The following GFRA1 variants were observed in gnomAD, a reference collection of about 807,000 sequenced individuals.
GFRA1 encodes the protein GDNF family receptor alpha-1.
Under a neutral mutation model 51.6 loss-of-function variants are expected in GFRA1, and 16 were observed. The observed-to-expected ratio is 0.31, with a 90% confidence interval of 0.21 to 0.47. GFRA1 has a LOEUF of 0.47. Ranked by LOEUF, GFRA1 falls within the 20% of genes least tolerant of loss-of-function variation. The pLI is 1.00. For missense variants in GFRA1, 530 were observed against 594.3 expected, an observed-to-expected ratio of 0.89 and a Z score of 1.13; for synonymous variants, 270 against 241.3, an observed-to-expected ratio of 1.12 and a Z score of -1.10.
chr10:116,251,728 A>G (rs555337586), intron 4 of GFRA1, among the ~76,000 whole-genome samples: 1 of 152,226 alleles, frequency 6.6e-6, no homozygotes, highest in South Asian at 2.1e-4. Flanking sequence ...CTCAGTTTCA[A>G]GAGGAAAAGC....
chr10:116,130,651 A>G (rs111334348), intron 5 of GFRA1, among the ~76,000 whole-genome samples: 1 of 152,230 alleles, frequency 6.6e-6, no homozygotes, highest in African/African-American at 2.4e-5. Context: ...AAGAAATCCA[A>G]TGGGGGAAGA....
At chr10:116,083,155 C>T (rs1478395647) in intron 9 of GFRA1, among the ~76,000 whole-genome samples, 1 of 152,218 alleles carries the variant, frequency 6.6e-6, no homozygotes, top group African/African-American at 2.4e-5. Context: ...TCCCGGAAAA[C>T]CAACTCTTAA....
intron 5 of GFRA1, among the ~76,000 whole-genome samples, chr10:116,130,656 G>A (rs930844174): frequency 6.6e-6 from 1 of 151,926 alleles, no homozygotes; most frequent in Non-Finnish European, 1.5e-5. Flanking sequence ...ATCCAATGGG[G>A]GAAGAGAGTC....
At chr10:116,251,569 C>G (rs1439343769) in intron 4 of GFRA1, among the ~76,000 whole-genome samples, 1 of 152,198 alleles carries the variant, frequency 6.6e-6, no homozygotes, top group East Asian at 1.9e-4. Flanking sequence ...ATGGGACATT[C>G]AGAGACTCTA....
intron 5 of GFRA1, among the ~76,000 whole-genome samples, chr10:116,178,721 G>A (rs1565630705): frequency 1.3e-5 from 2 of 152,212 alleles, no homozygotes; most frequent in African/African-American, 4.8e-5. Flanking sequence ...AGGGAGCCCT[G>A]AGCGAGGCTG....
chr10:116,160,855 A>G (rs930148038), intron 5 of GFRA1, among the ~76,000 whole-genome samples: 4 of 152,218 alleles, frequency 2.6e-5, no homozygotes, highest in African/African-American at 9.6e-5. Context: ...TTCCTCAACT[A>G]CTTAGAAAGG....
chr10:116,103,879 G>A (rs1956906870), intron 6 of GFRA1, among the ~76,000 whole-genome samples: 2 of 152,140 alleles, frequency 1.3e-5, no homozygotes, highest in African/African-American at 4.8e-5. Flanking sequence ...CATTTTGCAG[G>A]GGGTGTTATT....
chr10:116,262,297 C>A (rs1217116683), intron 4 of GFRA1, among the ~76,000 whole-genome samples: 1 of 152,152 alleles, frequency 6.6e-6, no homozygotes, highest in Non-Finnish European at 1.5e-5. Context: ...ACCTTCACAG[C>A]CTTCACTGGA....
At chr10:116,104,169 C>T (rs557467684) in intron 6 of GFRA1, among the ~76,000 whole-genome samples, 5 of 152,334 alleles carry the variant, frequency 3.3e-5, no homozygotes, top group South Asian at 2.1e-4. Context: ...AACTGATGTG[C>T]GTATGGCAGT....
intron 5 of GFRA1, among the ~76,000 whole-genome samples, chr10:116,152,339 C>A (rs147119834): frequency 6.6e-6 from 1 of 152,142 alleles, no homozygotes; most frequent in African/African-American, 2.4e-5. Flanking sequence ...GAAACGTTCA[C>A]CAGAAAGCAC....
chr10:116,135,510 T>C (rs1214887083), intron 5 of GFRA1, among the ~76,000 whole-genome samples: 2 of 152,218 alleles, frequency 1.3e-5, no homozygotes, highest in African/African-American at 4.8e-5. Context: ...TTCTGTGTAT[T>C]AAGATGGCAC....
chr10:116,172,265 T>G (rs1961103462), intron 5 of GFRA1, among the ~76,000 whole-genome samples: 1 of 151,912 alleles, frequency 6.6e-6, no homozygotes. Context: ...ACATTAGAGG[T>G]AAGACAAGGG....
chr10:116,161,025 G>A (rs1959720187), intron 5 of GFRA1, among the ~76,000 whole-genome samples: 1 of 152,222 alleles, frequency 6.6e-6, no homozygotes, highest in African/African-American at 2.4e-5. Context: ...CAGCCAGAGA[G>A]ACCAGATGGC....
chr10:116,188,310 C>T (rs1962920143), intron 5 of GFRA1, among the ~76,000 whole-genome samples: 1 of 152,178 alleles, frequency 6.6e-6, no homozygotes, highest in African/African-American at 2.4e-5. Context: ...GTCTCTTTAT[C>T]TGTGATAAAT....
intron 6 of GFRA1, among the ~76,000 whole-genome samples, chr10:116,117,814 A>G (rs1346178074): frequency 1.3e-5 from 2 of 152,116 alleles, no homozygotes. Context: ...TATACTTCCT[A>G]TGTACTAAAT....
intron 4 of GFRA1, among the ~76,000 whole-genome samples, chr10:116,220,531 T>C (rs1035242197): frequency 6.6e-6 from 1 of 152,166 alleles, no homozygotes; most frequent in African/African-American, 2.4e-5. Flanking sequence ...CAGAAGACAA[T>C]GATAATGATC....
intron 5 of GFRA1, among the ~76,000 whole-genome samples, chr10:116,196,760 T>A (rs187604093): frequency 1.2e-5 from 1 of 80,396 alleles, no homozygotes; most frequent in African/African-American, 4.6e-5. Context: ...ATATTATATA[T>A]TATATATATA....
At chr10:116,097,635 G>A (rs1340775706) in intron 6 of GFRA1, among the ~76,000 whole-genome samples, 3 of 152,148 alleles carry the variant, frequency 2.0e-5, no homozygotes, top group African/African-American at 7.2e-5. Flanking sequence ...AATGAGAGCT[G>A]GGCCACCTCT....
Position 116,114,569 on chromosome 10 carries a change from T to C in GFRA1, c.770+10652A>G, listed in dbSNP as rs541379997. The stretch of plus-strand genomic sequence containing the variant: ...ACAAATCCTACTTTAATTTTTATTT[T>C]TAATTTTTTTAGAGAGAGGGTCTTG... On this transcript the variant is annotated intron_variant, in intron 6 of 10. Transcript: ENST00000355422. Among the ~76,000 whole-genome samples, 16 of 152,242 alleles carry C rather than the reference T, an allele frequency of 1.1e-4. No homozygotes were observed. In the East Asian group the frequency reaches 3.1e-3, roughly 29 times the overall value.
Sources: gnomAD v4.1 joint callset for allele counts (sites outside exome capture counted in the v4.1 genomes callset) on GRCh38, gnomAD v4.1.1 for gene constraint, MANE v1.5 for transcripts, NCBI Gene and HGNC (gene_info 2026-07-23, HGNC 2026-07-21) for gene names.